The following ADAT1 variants were observed in gnomAD, a reference collection of about 807,000 sequenced individuals.
The protein encoded by ADAT1 is adenosine deaminase tRNA specific 1.
Under a neutral mutation model 58.6 loss-of-function variants are expected in ADAT1, and 58 were observed. The observed-to-expected ratio is 0.99, with a 90% CI of 0.80 to 1.23. ADAT1 has a LOEUF of 1.23. Among genes scored for constraint, ADAT1 ranks in the 50% most tolerant of loss-of-function variants. ADAT1 has a pLI of 0.00. For synonymous variants in ADAT1, 254 were observed against 220.8 expected, an observed-to-expected ratio of 1.15 and a Z score of -1.33; for missense variants, 741 against 608.6, an observed-to-expected ratio of 1.22 and a Z score of -2.29.
Position 75,612,321 on chromosome 16 carries a change from T to C in ADAT1, c.965A>G (p.Glu322Gly). The part of the protein sequence containing the change: ...QGALLMHLLE[E>G]PIYLSAVVIG... ...GACCACAGCTGACAGGTAGATGGGC[T>C]CTTCCAGCAAGTGCATCAACAGTGC... The change falls in exon 6 of 10, where the codon GAG becomes GGG. Residue 322 changes from glutamate to glycine, a missense_variant. Glu to Gly is a moderately conservative substitution (Grantham distance 98). Coordinates refer to ENST00000564657, the MANE Select transcript of ADAT1 (RefSeq NM_001324445.2). 2 of 1,614,162 alleles carry C rather than the reference T, an allele frequency of 1.2e-6. No homozygotes were observed. Among genetic ancestry groups the C allele is most frequent in the Non-Finnish European group, 1.7e-6 (2 of 1,180,040 alleles).
chr16:75,607,005 A>G (rs771475899), intron 8 of ADAT1, among the ~76,000 whole-genome samples: 1 of 152,154 alleles, frequency 6.6e-6, no homozygotes, highest in Non-Finnish European at 1.5e-5. Context: ...AGGTGGGCAG[A>G]TCACAAGGTC....
In ADAT1 at chr16:75,608,116, C is replaced by T. The variant is rs548638327; in HGVS notation, c.1289+108G>A. 1.2e-5 allele frequency: 11 copies of T among 893,670 alleles called. No individual in the cohort carries two copies. In the East Asian group the frequency reaches 1.8e-4, roughly 14 times the overall value. 55.4% of individuals were successfully genotyped at this position (893,670 alleles called of 1,614,324 possible). Reference sequence around the variant, plus strand: ...GAGAGGGAGGGATAGGTAGTGACTGCTAATGGGTATGGTTGTTCTTTTTGG... The same window carrying T: ...GAGAGGGAGGGATAGGTAGTGACTGTTAATGGGTATGGTTGTTCTTTTTGG... On this transcript the variant is annotated intron_variant, in intron 8 of 9. Transcript: ENST00000564657.
At position 75,608,889 on chromosome 16, in the gene ADAT1, C is replaced by G; in HGVS notation, c.1143G>C (p.Gln381His). 6.2e-7 allele frequency: 1 copy of G among 1,613,202 alleles called. No homozygotes were observed. The highest frequency in any genetic ancestry group is 1.3e-5 in the African/African-American group (1 of 74,920). ...GACCTGGGCTATCAGCCCTTTTTGC[C>G]TGCACCGCACTGCGGCTCTGTTCAA... Reference protein sequence around the residue: ...LLFEQSRSAVQAKRADSPGRL... With the variant: ...LLFEQSRSAVHAKRADSPGRL... Residue 381 changes from glutamine (Q) to histidine (H), a missense_variant, in exon 7 of 10, where the codon CAG becomes CAC. By Grantham distance (24) the Gln-to-His change is conservative. Coordinates refer to ENST00000564657, the MANE Select transcript of ADAT1 (RefSeq NM_001324445.2).
intron 8 of ADAT1, among the ~76,000 whole-genome samples, chr16:75,607,479 G>A (rs1227550090): frequency 2.7e-5 from 4 of 147,876 alleles, no homozygotes; most frequent in Admixed American, 1.4e-4. Flanking sequence ...TCCAGCCCAG[G>A]TGACAGAGCA....
chr16:75,618,098 C>CAAAAAAAAAAAA (rs1163510620), intron 4 of ADAT1, among the ~76,000 whole-genome samples: 15 of 32,536 alleles, frequency 4.6e-4, no homozygotes, highest in African/African-American at 1.2e-3. Context: ...ACCCTGTGTC[C>CAAAAAAAAAAAA]AAAAAAAAAA....
chr16:75,613,679 C>A (rs1427639773), intron 5 of ADAT1, among the ~76,000 whole-genome samples: 1 of 152,136 alleles, frequency 6.6e-6, no homozygotes, highest in African/African-American at 2.4e-5. Flanking sequence ...GAATATTTAG[C>A]AGCATACCTG....
chr16:75,615,745 G>A (rs1323253087), intron 5 of ADAT1, among the ~76,000 whole-genome samples: 3 of 152,118 alleles, frequency 2.0e-5, no homozygotes, highest in Non-Finnish European at 4.4e-5. Flanking sequence ...GACCCACACT[G>A]CTGGCATGCC....
At chr16:75,617,092 A>C (rs373771013) in intron 5 of ADAT1, 50 bp downstream of exon 5, 1 of 1,564,104 alleles carries the variant, frequency 6.4e-7, no homozygotes, top group African/African-American at 1.4e-5. Context: ...TAACACAAAC[A>C]TAAGGAAGTA....
Position 75,612,322 on chromosome 16 carries a change from C to T in ADAT1, c.964G>A (p.Glu322Lys), listed in dbSNP as rs761399360. 1 of 1,614,178 alleles carries T rather than the reference C, an allele frequency of 6.2e-7. No individual in the cohort carries two copies. The highest frequency in any genetic ancestry group is 8.5e-7 in the Non-Finnish European group (1 of 1,180,034). ...ACCACAGCTGACAGGTAGATGGGCT[C>T]TTCCAGCAAGTGCATCAACAGTGCC... ...QGALLMHLLE[E>K]PIYLSAVVIG... Residue 322 changes from glutamate to lysine, a missense_variant, in exon 6 of 10, where the codon GAG becomes AAG. By Grantham distance (56) the Glu-to-Lys change is moderately conservative. Transcript: ENST00000564657.
At chr16:75,615,031 C>A (rs1479415122) in intron 5 of ADAT1, among the ~76,000 whole-genome samples, 8 of 151,974 alleles carry the variant, frequency 5.3e-5, no homozygotes, top group Non-Finnish European at 1.0e-4. Flanking sequence ...TCGAGACCAG[C>A]CTGGCCAATG....
At chr16:75,601,117 G>T (rs944352389) in intron 9 of ADAT1, among the ~76,000 whole-genome samples, 6 of 152,130 alleles carry the variant, frequency 3.9e-5, no homozygotes, top group Non-Finnish European at 8.8e-5. Context: ...GAAGCAGGCG[G>T]ATCACCTGAG....
intron 5 of ADAT1, among the ~76,000 whole-genome samples, chr16:75,615,194 A>C (rs1056031766): frequency 2.6e-5 from 4 of 151,644 alleles, no homozygotes; most frequent in African/African-American, 9.7e-5. Flanking sequence ...GAAAAAAAAA[A>C]AAAATTCAAT....
Position 75,623,060 on chromosome 16 carries a change from C to CCCACGCGCGG in ADAT1, c.-680_-679insCCGCGCGTGG, listed in dbSNP as rs112935797. 2.6e-5 allele frequency: 4 copies of CCCACGCGCGG among 152,036 alleles called. No homozygotes were observed. Among genetic ancestry groups the CCCACGCGCGG allele is most frequent in the African/African-American group, 9.7e-5 (4 of 41,322 alleles). The allele number at this position is 152,036 out of a possible 1,614,324, so 9.4% of individuals were successfully genotyped here. A position where few individuals can be genotyped will look rare whatever the true frequency, so the allele number is the denominator to read the frequency against. ...CGGCTGCCAGGCCAGAGGCCCCGCG[C>CCCACGCGCGG]CAGGAGCTCTTCAGGCGCCGGCTGC... On this transcript the variant is annotated 5_prime_UTR_variant, in exon 1 of 10. Coordinates refer to ENST00000564657, the MANE Select transcript of ADAT1 (RefSeq NM_001324445.2).
At chr16:75,611,144 A>T (rs1358774440) in intron 6 of ADAT1, among the ~76,000 whole-genome samples, 1 of 152,140 alleles carries the variant, frequency 6.6e-6, no homozygotes, top group African/African-American at 2.4e-5. Flanking sequence ...GCCCCAAACT[A>T]ATGTTTAGGG....
chr16:75,615,480 TAAAAAAAAAAAAAAAAAAA>T (rs56149357), intron 5 of ADAT1, among the ~76,000 whole-genome samples: 109 of 32,948 alleles, frequency 3.3e-3, no homozygotes, highest in Non-Finnish European at 0.011. Context: ...GTTGATGAGC[TAAAAAAAAAAAAAAAAAAA>T]AAAAAAAAAA....
intron 1 of ADAT1, among the ~76,000 whole-genome samples, chr16:75,621,902 A>G (rs916943881): frequency 1.3e-5 from 2 of 152,162 alleles, no homozygotes; most frequent in Non-Finnish European, 2.9e-5. Context: ...CTGTAAAACC[A>G]AACTGAAGGC....
At chr16:75,612,088 T>C (rs754272147) in intron 6 of ADAT1, among the ~76,000 whole-genome samples, 155 bp downstream of exon 6, 6 of 152,142 alleles carry the variant, frequency 3.9e-5, no homozygotes, top group Admixed American at 6.6e-5. Flanking sequence ...TATACAAAGC[T>C]AAATGTTCAA....
In ADAT1 at chr16:75,598,626, C is replaced by G. The variant is rs772619492; in HGVS notation, c.*1590G>C. On this transcript the variant is annotated 3_prime_UTR_variant, in exon 10 of 10. Coordinates refer to ENST00000564657, the MANE Select transcript of ADAT1 (RefSeq NM_001324445.2). ...CTCCGCCTCCCAGGTTCAAGTGATT[C>G]TCCTGCCTCAGCCTCCCAAGTAGCT... Among the ~76,000 whole-genome samples the G allele has an allele frequency of 1.3e-5, 2 of 150,992 alleles. No homozygotes were observed. The highest frequency in any genetic ancestry group is 2.9e-5 in the Non-Finnish European group (2 of 67,948).
At position 75,620,734 on chromosome 16, in the gene ADAT1, C is replaced by G. The variant is rs1192753133; in HGVS notation, c.66G>C (p.Lys22Asn). The change falls in exon 2 of 10, where the codon AAG becomes AAC. Residue 22 changes from lysine (K) to asparagine (N), a missense_variant. By Grantham distance (94) the Lys-to-Asn change is moderately conservative. Coordinates refer to ENST00000564657, the MANE Select transcript of ADAT1 (RefSeq NM_001324445.2). ...YEHYGIRLPK[K>N]GKPEPNHEWT... ...ACTCATGGTTTGGCTCAGGCTTCCC[C>G]TTCTTGGGCAGCCTGATCCCATAGT... 6.2e-7 allele frequency: 1 copy of G among 1,614,186 alleles called. No individual in the cohort carries two copies. Among genetic ancestry groups the G allele is most frequent in the Admixed American group, 1.7e-5 (1 of 60,016 alleles).
Sources: allele counts gnomAD v4.1 joint callset (sites outside exome capture counted in the v4.1 genomes callset), GRCh38; gene constraint gnomAD v4.1.1; transcripts MANE v1.5; gene names NCBI Gene and HGNC (gene_info 2026-07-23, HGNC 2026-07-21).